MPP7: variants seen among roughly 807,000 people sequenced by gnomAD.
MPP7 encodes MAGUK p55 scaffold protein 7, also known as MAGUK p55 subfamily member 7.
In MPP7, 60 loss-of-function variants were observed where a neutral mutation model predicts 76.5. The observed-to-expected ratio is 0.78, with a 90% confidence interval of 0.64 to 0.97. The LOEUF is 0.97. Among genes scored for constraint, MPP7 ranks in the 50% least tolerant of loss-of-function variants. MPP7 has a pLI of 0.00. For synonymous variants in MPP7, 237 were observed against 244.5 expected, an observed-to-expected ratio of 0.97 and a Z score of 0.29; for missense variants, 641 against 694.0, an observed-to-expected ratio of 0.92 and a Z score of 0.86.
chr10:28,054,151 T>G lies in MPP7; in HGVS notation c.1645A>C (p.Thr549Pro). ...GTTTTGAGCTCATTGAATGCCACAG[T>G]GAGGTCATCATTTATTATAATTTTG... Reference protein sequence around the residue: ...FDKIIINDDLTVAFNELKTTF... With the variant: ...FDKIIINDDLPVAFNELKTTF... Residue 549 changes from threonine to proline, a missense_variant, in exon 17 of 17, where the codon ACT becomes CCT. Physicochemically the swap from Thr to Pro is conservative, Grantham distance 38. Coordinates refer to ENST00000683449, the MANE Select transcript of MPP7 (RefSeq NM_001318170.2). 5 of 1,611,022 alleles carry G rather than the reference T, an allele frequency of 3.1e-6. No individual in the cohort carries two copies. The highest frequency in any genetic ancestry group is 4.2e-6 in the Non-Finnish European group (5 of 1,177,660).
At chr10:28,171,196 T>C (rs1205001858) in intron 3 of MPP7, among the ~76,000 whole-genome samples, 1 of 152,188 alleles carries the variant, frequency 6.6e-6, no homozygotes, top group Non-Finnish European at 1.5e-5. Context: ...TATAGTATAC[T>C]TTGTGGAGGC....
intron 3 of MPP7, among the ~76,000 whole-genome samples, chr10:28,153,213 C>T (rs1835941271): frequency 6.6e-6 from 1 of 152,106 alleles, no homozygotes; most frequent in Admixed American, 6.6e-5. Flanking sequence ...GAGATCTCAC[C>T]ACTGCACTCC....
At chr10:28,110,088 T>C (rs1234877208) in intron 11 of MPP7, among the ~76,000 whole-genome samples, 1 of 151,214 alleles carries the variant, frequency 6.6e-6, no homozygotes, top group Non-Finnish European at 1.5e-5. Context: ...TTCTTCTTTT[T>C]TCTTTTTTCT....
chr10:28,144,708 A>G (rs564051267), intron 5 of MPP7, among the ~76,000 whole-genome samples: 5 of 152,066 alleles, frequency 3.3e-5, no homozygotes, highest in South Asian at 2.1e-4. Flanking sequence ...CTTATATGCC[A>G]CTTCCTCTGT....
At chr10:28,131,511 G>C (rs1294472960) in intron 6 of MPP7, 49 bp downstream of exon 6, 1 of 1,490,566 alleles carries the variant, frequency 6.7e-7, no homozygotes, top group East Asian at 2.7e-5. Context: ...TGCACCATCA[G>C]ATTTGGCCCT....
intron 1 of MPP7, among the ~76,000 whole-genome samples, chr10:28,241,093 G>A (rs1839253148): frequency 6.6e-6 from 1 of 152,024 alleles, no homozygotes; most frequent in Non-Finnish European, 1.5e-5. Context: ...AACTTACAAT[G>A]TTTCATGCTT....
At chr10:28,068,155 CTT>C (rs936464873) in intron 13 of MPP7, among the ~76,000 whole-genome samples, 2 of 151,712 alleles carry the variant, frequency 1.3e-5, no homozygotes, top group African/African-American at 2.4e-5. Context: ...TTTCTAATAA[CTT>C]ATATATTGCA....
intron 11 of MPP7, among the ~76,000 whole-genome samples, chr10:28,098,641 T>C (rs1853677125): frequency 1.3e-5 from 2 of 152,130 alleles, no homozygotes; most frequent in South Asian, 2.1e-4. Context: ...TATTGGCAGA[T>C]GTAGTTGTGT....
At chr10:28,217,484 A>G (rs1441417395) in intron 2 of MPP7, among the ~76,000 whole-genome samples, 1 of 149,296 alleles carries the variant, frequency 6.7e-6, no homozygotes, top group Admixed American at 6.8e-5. Context: ...CCGAGATCGC[A>G]CCACTGCACT....
intron 3 of MPP7, among the ~76,000 whole-genome samples, chr10:28,188,008 A>G (rs991701580): frequency 6.6e-6 from 1 of 152,232 alleles, no homozygotes; most frequent in African/African-American, 2.4e-5. Context: ...TGGAGAAATA[A>G]AACTTCAAAA....
At chr10:28,194,875 T>C (rs1183667176) in intron 3 of MPP7, among the ~76,000 whole-genome samples, 1 of 152,210 alleles carries the variant, frequency 6.6e-6, no homozygotes, top group Non-Finnish European at 1.5e-5. Context: ...CAATTAATAA[T>C]AATGTATCAA....
intron 1 of MPP7, among the ~76,000 whole-genome samples, chr10:28,290,097 G>T (rs544535092): frequency 6.6e-6 from 1 of 152,308 alleles, no homozygotes; most frequent in African/African-American, 2.4e-5. Flanking sequence ...GGGATTACAG[G>T]CGTGTGCCAC....
chr10:28,061,009 A>G (rs1430629382), intron 13 of MPP7, among the ~76,000 whole-genome samples: 1 of 152,240 alleles, frequency 6.6e-6, no homozygotes. Flanking sequence ...CCAAATCAAT[A>G]TAACAAAGGT....
At chr10:28,157,380 A>G (rs988203372) in intron 3 of MPP7, among the ~76,000 whole-genome samples, 1 of 152,162 alleles carries the variant, frequency 6.6e-6, no homozygotes, top group African/African-American at 2.4e-5. Flanking sequence ...TTAATAAGGA[A>G]GCTCACATAA....
chr10:28,065,199 T>C (rs1851942392), intron 13 of MPP7, among the ~76,000 whole-genome samples: 1 of 152,228 alleles, frequency 6.6e-6, no homozygotes, highest in African/African-American at 2.4e-5. Flanking sequence ...CAGGACACTT[T>C]GGTTGAAAAT....
rs112616298 is a variant in MPP7 at position 28,202,206 on chromosome 10, G to A, written c.103C>T (p.Leu35=). 1 of 1,613,832 alleles carries A rather than the reference G, an allele frequency of 6.2e-7. No homozygotes were observed. Among genetic ancestry groups the A allele is most frequent in the East Asian group, 2.2e-5 (1 of 44,864 alleles). Residue 35 remains leucine (L), a synonymous_variant, in exon 3 of 17, where the codon CTG becomes TTG. Coordinates refer to ENST00000683449, the MANE Select transcript of MPP7 (RefSeq NM_001318170.2). ...CCAAACATATCCCAGAGGAAGGTCA[G>A]GTCTTCCTGGCTATCCACATGTGGC... ...LQPHVDSQED[L]TFLWDMFGEK...
chr10:28,281,508 A>G (rs1840670285), intron 1 of MPP7, among the ~76,000 whole-genome samples: 1 of 152,146 alleles, frequency 6.6e-6, no homozygotes, highest in Non-Finnish European at 1.5e-5. Context: ...ACAAATGACA[A>G]CATGAGATTC....
At chr10:28,314,965 T>C (rs1001147069) in intron 2 of MPP7, among the ~76,000 whole-genome samples, 3 of 151,938 alleles carry the variant, frequency 2.0e-5, no homozygotes, top group Admixed American at 6.6e-5. Flanking sequence ...CTGAGCAACA[T>C]AGCAAGACCC....
chr10:28,328,562 G>A (rs1589050017), intron 2 of MPP7, among the ~76,000 whole-genome samples: 2 of 138,218 alleles, frequency 1.4e-5, no homozygotes, highest in Middle Eastern at 7.4e-3. Flanking sequence ...TCCTTAACTA[G>A]CAAGCACTTT....
Sources: gnomAD v4.1 joint callset for allele counts (sites outside exome capture counted in the v4.1 genomes callset) on GRCh38, gnomAD v4.1.1 for gene constraint, MANE v1.5 for transcripts, NCBI Gene and HGNC (gene_info 2026-07-23, HGNC 2026-07-21) for gene names.